The following LAMA2 variants were observed in gnomAD, a reference collection of about 807,000 sequenced individuals.
LAMA2 encodes the protein laminin subunit alpha 2.
In LAMA2, 269 loss-of-function variants were observed where a neutral mutation model predicts 364.8. The observed-to-expected ratio is 0.74, with a 90% confidence interval of 0.67 to 0.82. The LOEUF (loss-of-function observed/expected upper bound fraction) is 0.82, where lower values mean the gene tolerates loss of function less well. Among genes scored for constraint, LAMA2 ranks in the 40% least tolerant of loss-of-function variants. The pLI, the probability that LAMA2 is intolerant of heterozygous loss-of-function variation, is 0.00. For missense variants in LAMA2, 3,807 were observed against 3,873.2 expected, an observed-to-expected ratio of 0.98 and a Z score of 0.45; for synonymous variants, 1,379 against 1,370.6, an observed-to-expected ratio of 1.01 and a Z score of -0.14.
intron 17 of LAMA2, among the ~76,000 whole-genome samples, chr6:129,272,728 G>A (rs927583578): frequency 1.3e-5 from 2 of 152,116 alleles, no homozygotes; most frequent in Non-Finnish European, 2.9e-5. Flanking sequence ...AGCAGGAAGT[G>A]AGTGGTTGGC....
intron 18 of LAMA2, among the ~76,000 whole-genome samples, chr6:129,285,883 C>A (rs1789075286): frequency 6.6e-6 from 1 of 152,038 alleles, no homozygotes; most frequent in Non-Finnish European, 1.5e-5. Context: ...AGTATTTATA[C>A]AACTCATAAG....
chr6:129,223,317 CT>C (rs1170055271), intron 12 of LAMA2, among the ~76,000 whole-genome samples: 1 of 151,884 alleles, frequency 6.6e-6, no homozygotes, highest in South Asian at 2.1e-4. Context: ...ATGGTAGTTT[CT>C]TTTGCTGTGC....
intron 1 of LAMA2, among the ~76,000 whole-genome samples, chr6:128,983,653 G>A (rs1417069215): frequency 1.3e-5 from 2 of 152,208 alleles, no homozygotes; most frequent in Non-Finnish European, 2.9e-5. Context: ...TTGTCTTCTA[G>A]TGATAGAAAT....
intron 1 of LAMA2, among the ~76,000 whole-genome samples, chr6:129,008,889 C>G (rs906620348): frequency 1.3e-5 from 2 of 152,140 alleles, no homozygotes; most frequent in Admixed American, 1.3e-4. Context: ...ACCACAAATA[C>G]ATATTGTACC....
chr6:129,423,918 A>G (rs1781202081), intron 40 of LAMA2, among the ~76,000 whole-genome samples: 1 of 152,098 alleles, frequency 6.6e-6, no homozygotes. Context: ...ATGTTTTACA[A>G]TTCATATGGA....
intron 1 of LAMA2, among the ~76,000 whole-genome samples, chr6:128,905,832 T>G: frequency 6.6e-6 from 1 of 151,730 alleles, no homozygotes; most frequent in Non-Finnish European, 1.5e-5. Context: ...CCCCTTCCTG[T>G]GTCCATGTGA....
chr6:128,977,649 T>C (rs1030101260), intron 1 of LAMA2, among the ~76,000 whole-genome samples: 1 of 152,238 alleles, frequency 6.6e-6, no homozygotes, highest in Non-Finnish European at 1.5e-5. Flanking sequence ...GCTTTCAGCC[T>C]CTGATGGTTC....
chr6:129,450,102 C>G (rs886822526), intron 45 of LAMA2, among the ~76,000 whole-genome samples: 2 of 151,818 alleles, frequency 1.3e-5, no homozygotes, highest in Non-Finnish European at 1.5e-5. Context: ...CTGCACCCGG[C>G]TCTGTCTGTT....
At chr6:129,361,182 GC>G (rs1196868277) in intron 32 of LAMA2, among the ~76,000 whole-genome samples, 5 of 152,126 alleles carry the variant, frequency 3.3e-5, no homozygotes, top group Admixed American at 3.3e-4. Flanking sequence ...AGGAACATCT[GC>G]CCAAAATACA....
chr6:129,307,206 C>A (rs983168492), intron 22 of LAMA2, among the ~76,000 whole-genome samples: 5 of 152,190 alleles, frequency 3.3e-5, no homozygotes. Flanking sequence ...AGCTGTGAAA[C>A]TTCTGAGAAT....
intron 29 of LAMA2, among the ~76,000 whole-genome samples, chr6:129,339,273 A>G (rs1428011854): frequency 6.6e-6 from 1 of 152,220 alleles, no homozygotes; most frequent in East Asian, 1.9e-4. Flanking sequence ...TGATGATCTA[A>G]TGGATACCTC....
intron 1 of LAMA2, among the ~76,000 whole-genome samples, chr6:128,918,998 T>C (rs1747699289): frequency 6.6e-6 from 1 of 152,174 alleles, no homozygotes; most frequent in Non-Finnish European, 1.5e-5. Flanking sequence ...CAGGAATCCT[T>C]CCTGGTACAA....
In LAMA2 at chr6:128,950,559, G is replaced by A. The variant is rs143997370; in HGVS notation, c.112+67202G>A. Among the ~76,000 whole-genome samples, 90 of 152,210 alleles carry A rather than the reference G, an allele frequency of 5.9e-4. 2 individuals are homozygous for A. The highest frequency in any genetic ancestry group is 2.1e-3 in the African/African-American group (88 of 41,544). On this transcript the variant is annotated intron_variant, in intron 1 of 64. Coordinates refer to ENST00000421865, the MANE Select transcript of LAMA2 (RefSeq NM_000426.4). ...TGCCCACGTCAGTGACAGATAAAGA[G>A]TCAACATCTGGGAGTAGCTTAGGTG...
intron 12 of LAMA2, among the ~76,000 whole-genome samples, chr6:129,196,997 C>CT (rs1188554579): frequency 1.3e-5 from 2 of 152,108 alleles, no homozygotes; most frequent in Admixed American, 1.3e-4. Flanking sequence ...ACCCTGCTCC[C>CT]TTTGGAGTTT....
In LAMA2 at chr6:129,057,367, A is replaced by G. The variant is rs146892796; in HGVS notation, c.284-2417A>G. The stretch of plus-strand genomic sequence containing the variant: ...CACATTTTTCATAAAAATAGAAAGG[A>G]TACAATTTAAATAATTGTCCTCCAT... On this transcript the variant is annotated intron_variant, in intron 2 of 64. Transcript: ENST00000421865. 6.2e-3 allele frequency among the ~76,000 whole-genome samples: 943 copies of G among 152,314 alleles called. 6 individuals are homozygous for G. The highest frequency in any genetic ancestry group is 0.022 in the African/African-American group (900 of 41,566).
chr6:129,121,979 A>C (rs552158153), intron 4 of LAMA2, among the ~76,000 whole-genome samples: 17 of 152,198 alleles, frequency 1.1e-4, no homozygotes, highest in Middle Eastern at 3.2e-3. Flanking sequence ...ATTATGACTC[A>C]TTATCATGAT....
intron 1 of LAMA2, among the ~76,000 whole-genome samples, chr6:128,985,309 A>G (rs1469963630): frequency 6.6e-6 from 1 of 152,160 alleles, no homozygotes; most frequent in Admixed American, 6.5e-5. Flanking sequence ...ACCACCATGC[A>G]GTTTAAAACT....
chr6:129,512,324 T>TCCTCTAATCCAAAATATTTTAA (rs766978189), intron 62 of LAMA2, 39 bp from the exon 63 acceptor site: 2 of 1,600,228 alleles, frequency 1.2e-6, no homozygotes, highest in Non-Finnish European at 1.7e-6. Flanking sequence ...ACAATCCCCA[T>TCCTCTAATCCAAAATATTTTAA]CCTCTAATCC....
In LAMA2 at chr6:128,937,338, G is replaced by A. The variant is rs533417039; in HGVS notation, c.112+53981G>A. Among the ~76,000 whole-genome samples the A allele has an allele frequency of 1.1e-4, 17 of 152,162 alleles. No individual in the cohort carries two copies. The East Asian group carries it at 3.1e-3, about 28-fold the overall frequency. On this transcript the variant is annotated intron_variant, in intron 1 of 64. Coordinates refer to ENST00000421865, the MANE Select transcript of LAMA2 (RefSeq NM_000426.4). ...GCCTGTAATTTTCTTTATTTGTAGTGTCCTTATCTGGGTTAGCATTGTATA... is the reference window on the plus strand; with the variant it reads ...GCCTGTAATTTTCTTTATTTGTAGTATCCTTATCTGGGTTAGCATTGTATA...
Sources: gnomAD v4.1 joint callset for allele counts (sites outside exome capture counted in the v4.1 genomes callset) on GRCh38, gnomAD v4.1.1 for gene constraint, MANE v1.5 for transcripts, NCBI Gene and HGNC (gene_info 2026-07-23, HGNC 2026-07-21) for gene names.